Variants in TSPAN5 observed in about 807,000 individuals in gnomAD.
The protein encoded by TSPAN5 is tetraspanin 5, also known as tetraspanin-5.
In TSPAN5, 10 loss-of-function variants were observed where a neutral mutation model predicts 37.1. The observed-to-expected ratio is 0.27, with a 90% CI of 0.17 to 0.46. TSPAN5 has a LOEUF of 0.46. Ranked by LOEUF, TSPAN5 falls within the 20% of genes least tolerant of loss-of-function variation. The pLI is 1.00. For synonymous variants in TSPAN5, 110 were observed against 118.9 expected, an observed-to-expected ratio of 0.93 and a Z score of 0.48; for missense variants, 195 against 326.6, an observed-to-expected ratio of 0.60 and a Z score of 3.11.
At chr4:98,613,839 T>C (rs573080364) in intron 1 of TSPAN5, among the ~76,000 whole-genome samples, 1 of 152,228 alleles carries the variant, frequency 6.6e-6, no homozygotes, top group African/African-American at 2.4e-5. Flanking sequence ...TACTACTAAA[T>C]ACCAGTTTTT....
intron 1 of TSPAN5, among the ~76,000 whole-genome samples, chr4:98,513,342 G>C (rs961000179): frequency 8.5e-5 from 13 of 152,152 alleles, no homozygotes; most frequent in African/African-American, 3.1e-4. Flanking sequence ...GCAGGGGTGG[G>C]GTAGGCAGGC....
At chr4:98,618,780 C>G (rs1399146719) in intron 1 of TSPAN5, among the ~76,000 whole-genome samples, 1 of 152,144 alleles carries the variant, frequency 6.6e-6, no homozygotes, top group Non-Finnish European at 1.5e-5. Flanking sequence ...CAGCAATCAC[C>G]TTCCATTTTA....
At chr4:98,480,032 G>A (rs961678400) in intron 4 of TSPAN5, among the ~76,000 whole-genome samples, 3 of 152,058 alleles carry the variant, frequency 2.0e-5, no homozygotes, top group African/African-American at 4.8e-5. Context: ...TTGGCACTGC[G>A]TGACCAGAAG....
At chr4:98,511,218 T>C (rs1230953547) in intron 1 of TSPAN5, among the ~76,000 whole-genome samples, 2 of 152,206 alleles carry the variant, frequency 1.3e-5, no homozygotes, top group Non-Finnish European at 2.9e-5. Flanking sequence ...TGTTTTAAAA[T>C]AAATAACAAT....
chr4:98,578,007 T>A (rs760797477), intron 1 of TSPAN5, among the ~76,000 whole-genome samples: 1 of 152,264 alleles, frequency 6.6e-6, no homozygotes, highest in African/African-American at 2.4e-5. Flanking sequence ...TAAATCTGTG[T>A]GAGTTGGCAG....
At chr4:98,583,373 A>G (rs576889613) in intron 1 of TSPAN5, among the ~76,000 whole-genome samples, 207 of 152,238 alleles carry the variant, frequency 1.4e-3, no homozygotes, top group African/African-American at 4.8e-3. Context: ...TATTCAGCCT[A>G]GTACCCATTC....
chr4:98,639,080 T>C (rs772647631), intron 1 of TSPAN5, among the ~76,000 whole-genome samples: 1 of 152,136 alleles, frequency 6.6e-6, no homozygotes, highest in Non-Finnish European at 1.5e-5. Flanking sequence ...ACGTTCTTGG[T>C]ATACTCAGTA....
At chr4:98,584,940 G>A (rs1755452098) in intron 1 of TSPAN5, among the ~76,000 whole-genome samples, 2 of 152,120 alleles carry the variant, frequency 1.3e-5, no homozygotes, top group Non-Finnish European at 2.9e-5. Context: ...AGGATACACT[G>A]TGTCCTCCTT....
Position 98,615,435 on chromosome 4 carries a change from CCCGTGTTTG to C in TSPAN5, c.81+42702_81+42710del, listed in dbSNP as rs200721211. Among the ~76,000 whole-genome samples the C allele has an allele frequency of 5.6e-3, 852 of 152,324 alleles. 12 individuals are homozygous for C. The highest frequency in any genetic ancestry group is 0.019 in the African/African-American group (778 of 41,584). On this transcript the variant is annotated intron_variant, in intron 1 of 7. Coordinates refer to ENST00000305798, the MANE Select transcript of TSPAN5 (RefSeq NM_005723.4). ...CTCAGCTTCTCTTCACTAAAAATGT[CCCGTGTTTG>C]ACTATCATTATTTCTAGATTCTCAA...
At chr4:98,533,707 A>C (rs1229717104) in intron 1 of TSPAN5, among the ~76,000 whole-genome samples, 9 of 147,934 alleles carry the variant, frequency 6.1e-5, no homozygotes, top group African/African-American at 1.5e-4. Flanking sequence ...CCCGCCACCA[A>C]GCCTGGCTAA....
intron 4 of TSPAN5, among the ~76,000 whole-genome samples, chr4:98,479,374 T>C (rs919568501): frequency 6.6e-6 from 1 of 152,192 alleles, no homozygotes; most frequent in African/African-American, 2.4e-5. Flanking sequence ...CAAAATTGCA[T>C]GCAGGATTGT....
rs866092920 is a variant in TSPAN5 at position 98,476,227 on chromosome 4, T to A, written c.703A>T (p.Ile235Phe). ...FEKWLQDNLTIVAGIFIGIAL... is the reference protein window; with the variant it reads ...FEKWLQDNLTFVAGIFIGIAL... ...ATGCCTATGAAAATACCAGCAACGA[T>A]GGTTAAATTGTCCTGCAACCACTTC... The change falls in exon 7 of 8, where the codon ATC becomes TTC. Residue 235 changes from isoleucine (I) to phenylalanine (F), a missense_variant. Physicochemically the swap from Ile to Phe is conservative, Grantham distance 21 (BLOSUM62 0). Coordinates refer to ENST00000305798, the MANE Select transcript of TSPAN5 (RefSeq NM_005723.4). The A allele has an allele frequency of 2.5e-6, 4 of 1,614,160 alleles. No homozygotes were observed. Among genetic ancestry groups the A allele is most frequent in the Non-Finnish European group, 3.4e-6 (4 of 1,180,008 alleles).
chr4:98,615,192 T>C (rs1013808199), intron 1 of TSPAN5, among the ~76,000 whole-genome samples: 3 of 152,206 alleles, frequency 2.0e-5, no homozygotes, highest in Admixed American at 6.5e-5. Context: ...TAACCTGCTA[T>C]GAAAACCCCT....
At chr4:98,542,802 C>T (rs1754389942) in intron 1 of TSPAN5, among the ~76,000 whole-genome samples, 1 of 150,660 alleles carries the variant, frequency 6.6e-6, no homozygotes, top group Admixed American at 6.6e-5. Flanking sequence ...ACGGAGACAA[C>T]TGCATAACAC....
chr4:98,501,873 A>G (rs1220084117), intron 2 of TSPAN5, among the ~76,000 whole-genome samples: 2 of 152,224 alleles, frequency 1.3e-5, no homozygotes, highest in East Asian at 3.9e-4. Flanking sequence ...TGCTGCACAG[A>G]GACAGCCCTA....
In TSPAN5 at chr4:98,504,226, C is replaced by T. The variant is rs552516274; in HGVS notation, c.132+3452G>A. ...CAGTTTGGGGATTTACCCTCCAGGC[C>T]TCTTACAAGTAAATGTCGCCACATC... On this transcript the variant is annotated intron_variant, in intron 2 of 7. Transcript: ENST00000305798. 4.5e-4 allele frequency among the ~76,000 whole-genome samples: 68 copies of T among 152,266 alleles called. 1 individual carries two copies. In the South Asian group the frequency reaches 0.014, roughly 31 times the overall value.
At chr4:98,549,738 G>GTT (rs1265779548) in intron 1 of TSPAN5, among the ~76,000 whole-genome samples, 2 of 151,860 alleles carry the variant, frequency 1.3e-5, no homozygotes. Flanking sequence ...GTTCTTTGGG[G>GTT]TTTTTTTCTT....
At chr4:98,582,466 CAT>C (rs769595323) in intron 1 of TSPAN5, among the ~76,000 whole-genome samples, 2 of 152,182 alleles carry the variant, frequency 1.3e-5, no homozygotes, top group Non-Finnish European at 2.9e-5. Context: ...AAGAAAATGA[CAT>C]AGAAAATCAC....
chr4:98,522,162 G>A (rs906497668), intron 1 of TSPAN5, among the ~76,000 whole-genome samples: 3 of 152,166 alleles, frequency 2.0e-5, no homozygotes, highest in Non-Finnish European at 4.4e-5. Flanking sequence ...CGCTCCCGTG[G>A]CCTATGTGCC....
Sources: allele counts gnomAD v4.1 joint callset (sites outside exome capture counted in the v4.1 genomes callset), GRCh38; gene constraint gnomAD v4.1.1; transcripts MANE v1.5; gene names NCBI Gene and HGNC (gene_info 2026-07-23, HGNC 2026-07-21).